DMD: variants seen among roughly 807,000 people sequenced by gnomAD.
DMD encodes the protein dystrophin.
A neutral mutation model predicts 330.1 loss-of-function variants in DMD; 63 were observed. That is an observed-to-expected ratio of 0.19 (90% CI 0.16 to 0.24). The LOEUF (loss-of-function observed/expected upper bound fraction) is 0.24. Ranked by LOEUF, DMD falls within the 10% of genes least tolerant of loss-of-function variation. The probability of loss-of-function intolerance (pLI) is 1.00; values close to 1 mark genes in which losing one functional copy is unlikely to be tolerated. For missense variants in DMD, 3,344 were observed against 2,684.1 expected (o/e 1.25, Z -5.43); for synonymous variants, 1,223 against 959.8 (o/e 1.27, Z -5.07).
At chrX:33,202,132 T>A (rs1465873856) in intron 1 of DMD, among the ~76,000 whole-genome samples, 1 of 111,993 alleles carries the variant, frequency 8.9e-6, no homozygotes, top group Non-Finnish European at 1.9e-5. Flanking sequence ...CCCAAAATTT[T>A]AATGGGTTTT....
At chrX:31,602,391 T>C (rs1241128162) in intron 55 of DMD, among the ~76,000 whole-genome samples, 1 of 109,794 alleles carries the variant, frequency 9.1e-6, no homozygotes, top group African/African-American at 3.3e-5. Flanking sequence ...TCATTTTCAT[T>C]ACATGCTTGT....
At chrX:31,280,357 G>C (rs2052519082) in intron 62 of DMD, among the ~76,000 whole-genome samples, 1 of 111,871 alleles carries the variant, frequency 8.9e-6, no homozygotes, top group Non-Finnish European at 1.9e-5. Flanking sequence ...CAAAAATACT[G>C]TATGATTCTA....
chrX:32,780,396 T>G (rs1463162580), intron 7 of DMD, among the ~76,000 whole-genome samples: 1 of 112,413 alleles, frequency 8.9e-6, no homozygotes, highest in East Asian at 2.8e-4. Context: ...TGCATACAAT[T>G]ATCAATTACC....
chrX:31,440,133 GT>G (rs2064826235), intron 60 of DMD, among the ~76,000 whole-genome samples: 1 of 95,135 alleles, frequency 1.1e-5, no homozygotes, highest in Non-Finnish European at 2.1e-5. Flanking sequence ...GTCCAAAATA[GT>G]TTTAAAGTAT....
intron 1 of DMD, among the ~76,000 whole-genome samples, chrX:33,027,300 C>G (rs58447013): frequency 0.08 from 8,854 of 110,892 alleles, 754 homozygotes; most frequent in African/African-American, 0.26. Flanking sequence ...TGAAGATGTA[C>G]GAAGAAGGCC....
intron 60 of DMD, among the ~76,000 whole-genome samples, chrX:31,381,424 C>A (rs1219599399): frequency 1.8e-5 from 2 of 111,293 alleles, no homozygotes; most frequent in Admixed American, 1.9e-4. Context: ...AACTCACTCT[C>A]TACAGTTCTC....
intron 44 of DMD, among the ~76,000 whole-genome samples, chrX:32,134,392 A>C (rs2096714226): frequency 9.0e-6 from 1 of 111,658 alleles, no homozygotes; most frequent in Non-Finnish European, 1.9e-5. Context: ...AGAACTGAAC[A>C]AACAGATAAT....
At chrX:32,784,000 C>T (rs113867875) in intron 7 of DMD, among the ~76,000 whole-genome samples, 30 of 37,883 alleles carry the variant, frequency 7.9e-4, no homozygotes, top group African/African-American at 3.6e-3. Flanking sequence ...ATTCATGGAG[C>T]GGGGGTGGGG....
chrX:31,608,481 G>A (rs940740400), intron 55 of DMD, among the ~76,000 whole-genome samples: 1 of 111,116 alleles, frequency 9.0e-6, no homozygotes, highest in Non-Finnish European at 1.9e-5. Context: ...ATAAAACATA[G>A]GCTTTATATT....
intron 44 of DMD, among the ~76,000 whole-genome samples, chrX:32,011,003 A>G (rs746693173): frequency 8.9e-6 from 1 of 112,418 alleles, no homozygotes; most frequent in Non-Finnish European, 1.9e-5. Flanking sequence ...TAGTGAATAG[A>G]CACAACCACT....
intron 7 of DMD, among the ~76,000 whole-genome samples, chrX:32,711,072 A>T (rs1603234372): frequency 8.9e-6 from 1 of 111,812 alleles, no homozygotes; most frequent in East Asian, 2.8e-4. Flanking sequence ...AAATAGAGAA[A>T]AGGAAAGGCT....
intron 1 of DMD, among the ~76,000 whole-genome samples, chrX:33,067,866 T>TAAATAATAA (rs1223632946): frequency 9.0e-6 from 1 of 111,026 alleles, no homozygotes; most frequent in Non-Finnish European, 1.9e-5. Flanking sequence ...AGTAAATAAA[T>TAAATAATAA]AAATAATAAA....
intron 7 of DMD, among the ~76,000 whole-genome samples, chrX:32,731,782 C>T (rs1055433966): frequency 8.0e-5 from 9 of 111,907 alleles, no homozygotes; most frequent in Non-Finnish European, 1.5e-4. Context: ...CATCAAAGTC[C>T]AAAAGTAGAT....
At chrX:32,839,677 G>A (rs1462502007) in intron 4 of DMD, among the ~76,000 whole-genome samples, 14 of 111,249 alleles carry the variant, frequency 1.3e-4, no homozygotes, top group African/African-American at 4.6e-4. Context: ...ACTTATGGAT[G>A]TTTTCCATTT....
At chrX:33,233,315 C>T (rs1253619414) in intron 1 of DMD, among the ~76,000 whole-genome samples, 1 of 111,831 alleles carries the variant, frequency 8.9e-6, no homozygotes, top group African/African-American at 3.3e-5. Context: ...GAAATGAAGA[C>T]TTATGTTCAC....
At position 31,119,794 on chromosome X, in the gene DMD, G is replaced by GCAAGA. The variant is rs1468743105; in HGVS notation, c.*2120_*2124dup. 1 of 110,941 alleles carries GCAAGA rather than the reference G, an allele frequency of 9.0e-6. No homozygotes were observed. Among genetic ancestry groups the GCAAGA allele is most frequent in the Admixed American group, 9.6e-5 (1 of 10,411 alleles). 9.1% of individuals were successfully genotyped at this position (110,941 alleles called of 1,213,427 possible). ...CCAGCGTCACATAAAGGAAAAAAAT[G>GCAAGA]CAAGACAAAAACCAAATCTTCATGT... On this transcript the variant is annotated 3_prime_UTR_variant, in exon 79 of 79. Transcript: ENST00000357033.
chrX:31,343,649 G>A (rs1158818479), intron 61 of DMD, among the ~76,000 whole-genome samples: 1 of 109,050 alleles, frequency 9.2e-6, no homozygotes, highest in Non-Finnish European at 1.9e-5. Context: ...GTGCACACAC[G>A]TGCGAGACAG....
rs186033357 is a variant in DMD at position 32,052,326 on chromosome X, G to T, written c.6439-83812C>A. Among the ~76,000 whole-genome samples the T allele has an allele frequency of 2.7e-5, 3 of 110,430 alleles. No homozygotes were observed. In the East Asian group the frequency reaches 8.7e-4, roughly 32 times the overall value. On this transcript the variant is annotated intron_variant, in intron 44 of 78. Transcript: ENST00000357033. ...GAAATTTAGATTCTTGACCCCAAAT[G>T]AATCTTAACACATGGATGAAACACT...
intron 25 of DMD, among the ~76,000 whole-genome samples, chrX:32,462,802 A>C (rs1224508456): frequency 1.8e-5 from 2 of 110,418 alleles, no homozygotes; most frequent in Non-Finnish European, 3.8e-5. Flanking sequence ...CCAAAAAATA[A>C]CAAAAAATTA....
Sources: allele counts gnomAD v4.1 joint callset (sites outside exome capture counted in the v4.1 genomes callset), GRCh38; gene constraint gnomAD v4.1.1; transcripts MANE v1.5; gene names NCBI Gene and HGNC (gene_info 2026-07-23, HGNC 2026-07-21).